Variants in DNAH11 observed in about 807,000 individuals in gnomAD.
DNAH11 encodes dynein axonemal heavy chain 11, also known as axonemal beta dynein heavy chain 11.
A neutral mutation model predicts 526.0 loss-of-function variants in DNAH11; 442 were observed. That is an observed-to-expected ratio of 0.84 (90% confidence interval 0.78 to 0.91). DNAH11 has a LOEUF of 0.91. DNAH11 is among the 40% of genes least tolerant of loss of function. The pLI is 0.00. For synonymous variants in DNAH11, 2,461 were observed against 1,935.9 expected, an observed-to-expected ratio of 1.27 and a Z score of -7.12; for missense variants, 6,989 against 5,448.7, an observed-to-expected ratio of 1.28 and a Z score of -8.90.
intron 2 of DNAH11, among the ~76,000 whole-genome samples, chr7:21,558,064 C>T (rs914906234): frequency 5.9e-5 from 9 of 152,106 alleles, no homozygotes; most frequent in Non-Finnish European, 1.3e-4. Flanking sequence ...GTAGAATAAA[C>T]ATTTTCTGAG....
chr7:21,629,730 T>G (rs1350928308), intron 25 of DNAH11, among the ~76,000 whole-genome samples: 1 of 152,270 alleles, frequency 6.6e-6, no homozygotes, highest in East Asian at 1.9e-4. Context: ...CTGATCTAAG[T>G]ATAGCTACTC....
chr7:21,702,191 AAAAC>A (rs1454963812), intron 36 of DNAH11, among the ~76,000 whole-genome samples: 2 of 152,172 alleles, frequency 1.3e-5, no homozygotes, highest in Non-Finnish European at 2.9e-5. Context: ...TGTAGTCTCA[AAAAC>A]AGATAATTGA....
Position 21,543,214 on chromosome 7 carries a change from G to T in DNAH11, c.-32G>T. 6.7e-7 allele frequency: 1 copy of T among 1,488,786 alleles called. No individual in the cohort carries two copies. The highest frequency in any genetic ancestry group is 8.9e-7 in the Non-Finnish European group (1 of 1,122,734). The allele number at this position is 1,488,786 out of a possible 1,614,324, so 92.2% of individuals were successfully genotyped here. On this transcript the variant is annotated 5_prime_UTR_variant, in exon 1 of 82. Transcript: ENST00000409508. ...GCCCAGAGTCTCGGGTGAGGAGCCA[G>T]CCGGCCTCGCGTTCCCTCGGACGGT... is the stretch of plus-strand genomic sequence containing the variant.
At chr7:21,683,243 G>A (rs1408076807) in intron 31 of DNAH11, among the ~76,000 whole-genome samples, 1 of 152,148 alleles carries the variant, frequency 6.6e-6, no homozygotes, top group Non-Finnish European at 1.5e-5. Context: ...GAAAGAGACA[G>A]GGATTTTTAA....
chr7:21,606,762 C>A lies in DNAH11; in HGVS notation c.3852+29C>A, dbSNP rs180916870. On this transcript the variant is annotated intron_variant, in intron 20 of 81. Transcript: ENST00000409508. ...ATACAGATCTCAAATATCCTGTGTGCATTAAAATAGCTACTTTAAAAAATG... is the reference window on the plus strand; with the variant it reads ...ATACAGATCTCAAATATCCTGTGTGAATTAAAATAGCTACTTTAAAAAATG... 7.2e-6 allele frequency: 11 copies of A among 1,531,220 alleles called. No individual in the cohort carries two copies. In the South Asian group the frequency reaches 1.2e-4, roughly 17 times the overall value. The allele number at this position is 1,531,220 out of a possible 1,614,324, so 94.9% of individuals were successfully genotyped here. A position where few individuals can be genotyped will look rare whatever the true frequency, so the allele number is the denominator to read the frequency against.
In DNAH11 at chr7:21,770,898, T is replaced by G. The variant is rs138762601; in HGVS notation, c.9103-2868T>G. Among the ~76,000 whole-genome samples the G allele has an allele frequency of 1.4e-3, 210 of 152,298 alleles. 1 individual carries two copies. The highest frequency in any genetic ancestry group is 4.8e-3 in the African/African-American group (200 of 41,564). On this transcript the variant is annotated intron_variant, in intron 55 of 81. Transcript: ENST00000409508. ...AGCACTATGAAGAGCTTAGGACAAG[T>G]GTTAAAATGCAACACTGCCCATTTT...
At chr7:21,584,194 A>G (rs2128441540) in intron 9 of DNAH11, among the ~76,000 whole-genome samples, 1 of 152,340 alleles carries the variant, frequency 6.6e-6, no homozygotes, top group Non-Finnish European at 1.5e-5. Context: ...CCCATCAATG[A>G]TAGACTGGAT....
chr7:21,694,015 A>C (rs1783741960), intron 35 of DNAH11, among the ~76,000 whole-genome samples: 1 of 152,138 alleles, frequency 6.6e-6, no homozygotes, highest in African/African-American at 2.4e-5. Context: ...CTCACTCACC[A>C]TCATGAAAAC....
At chr7:21,655,049 C>A (rs1031218265) in intron 28 of DNAH11, among the ~76,000 whole-genome samples, 3 of 151,946 alleles carry the variant, frequency 2.0e-5, no homozygotes, top group African/African-American at 7.3e-5. Flanking sequence ...TTGATCTGAT[C>A]TTTGTTGTTG....
At chr7:21,704,887 T>G (rs1255179669) in intron 38 of DNAH11, among the ~76,000 whole-genome samples, 2 of 152,244 alleles carry the variant, frequency 1.3e-5, no homozygotes, top group African/African-American at 4.8e-5. Context: ...TTACAAAACT[T>G]GTTGGTTCTT....
At chr7:21,815,163 C>T (rs754325561) in intron 63 of DNAH11, among the ~76,000 whole-genome samples, 2 of 152,136 alleles carry the variant, frequency 1.3e-5, no homozygotes, top group Non-Finnish European at 2.9e-5. Context: ...GATATGAGAT[C>T]TGCAGGTGCC....
chr7:21,616,177 G>C (rs1449933299), intron 21 of DNAH11, 32 bp from the exon 22 acceptor site: 3 of 1,562,708 alleles, frequency 1.9e-6, no homozygotes, highest in Non-Finnish European at 1.8e-6. Context: ...ACCAAATGTT[G>C]TTGACACTTT....
chr7:21,685,101 T>G (rs1783316086), intron 32 of DNAH11, among the ~76,000 whole-genome samples: 1 of 152,236 alleles, frequency 6.6e-6, no homozygotes, highest in South Asian at 2.1e-4. Context: ...TTGTATAGTT[T>G]CTATAATTAT....
chr7:21,799,560 A>G (rs971901322), intron 61 of DNAH11, among the ~76,000 whole-genome samples: 1 of 149,540 alleles, frequency 6.7e-6, no homozygotes, highest in African/African-American at 2.5e-5. Flanking sequence ...CTGGTCTTGA[A>G]CTCCTGACCT....
At chr7:21,728,212 T>C (rs1583634287) in intron 45 of DNAH11, among the ~76,000 whole-genome samples, 2 of 141,854 alleles carry the variant, frequency 1.4e-5, no homozygotes, top group East Asian at 4.6e-4. Context: ...CAAAATACAT[T>C]CACCCATTCC....
At chr7:21,632,915 G>C (rs1786683213) in intron 25 of DNAH11, among the ~76,000 whole-genome samples, 1 of 152,140 alleles carries the variant, frequency 6.6e-6, no homozygotes, top group Admixed American at 6.5e-5. Context: ...TGCTGATAAA[G>C]ACATACCCAA....
chr7:21,788,136 G>A (rs754878744), intron 60 of DNAH11, among the ~76,000 whole-genome samples: 6 of 152,032 alleles, frequency 3.9e-5, no homozygotes, highest in Non-Finnish European at 7.4e-5. Context: ...ATTTATCACC[G>A]ACCAACTGTA....
chr7:21,576,224 G>T (rs1361184658), intron 8 of DNAH11, among the ~76,000 whole-genome samples: 1 of 152,180 alleles, frequency 6.6e-6, no homozygotes. Context: ...ACCCAAGAAG[G>T]ACAGCGATTC....
intron 45 of DNAH11, among the ~76,000 whole-genome samples, chr7:21,729,004 G>C (rs982076783): frequency 6.6e-6 from 1 of 152,234 alleles, no homozygotes; most frequent in Non-Finnish European, 1.5e-5. Flanking sequence ...CTGGGCGGTA[G>C]CATCCTGGCT....
Sources: allele counts gnomAD v4.1 joint callset (sites outside exome capture counted in the v4.1 genomes callset), GRCh38; gene constraint gnomAD v4.1.1; transcripts MANE v1.5; gene names NCBI Gene and HGNC (gene_info 2026-07-23, HGNC 2026-07-21).